UNC13C: variants seen among roughly 807,000 people sequenced by gnomAD.
UNC13C encodes protein unc-13 homolog C.
In UNC13C, 174 loss-of-function variants were observed where a neutral mutation model predicts 245.4. The ratio of observed to expected loss-of-function variants is 0.71; its 90% CI spans 0.63 to 0.80. UNC13C has a LOEUF of 0.80. Ranked by LOEUF, UNC13C falls within the 30% of genes least tolerant of loss-of-function variation. UNC13C has a pLI of 0.00. For synonymous variants in UNC13C, 992 were observed against 895.1 expected (o/e 1.11, Z -1.93); for missense variants, 2,829 against 2,602.9 (o/e 1.09, Z -1.89).
At chr15:54,541,982 A>C (rs1403517469) in intron 26 of UNC13C, among the ~76,000 whole-genome samples, 1 of 151,970 alleles carries the variant, frequency 6.6e-6, no homozygotes, top group Non-Finnish European at 1.5e-5. Flanking sequence ...TGAGGGTGAA[A>C]ATCGTGTGCT....
At chr15:53,962,247 C>A in the UNC13C span, among the ~76,000 whole-genome samples, 8 of 152,136 alleles carry the variant, frequency 5.3e-5, no homozygotes, top group East Asian at 1.5e-3. Context: ...TATCATTTTT[C>A]ATGCTAATAA....
At chr15:54,336,659 T>G (rs1180836594) in intron 16 of UNC13C, among the ~76,000 whole-genome samples, 2 of 152,124 alleles carry the variant, frequency 1.3e-5, no homozygotes, top group African/African-American at 4.8e-5. Context: ...ATATAAGGTG[T>G]AAAGTGTGAA....
the UNC13C span, among the ~76,000 whole-genome samples, chr15:53,892,047 G>T: frequency 2.5e-3 from 374 of 151,380 alleles, 8 homozygotes; most frequent in Admixed American, 0.022. Context: ...CTCTTGTAAG[G>T]CAAGAGCCTT....
intron 19 of UNC13C, among the ~76,000 whole-genome samples, chr15:54,432,111 A>T (rs964888604): frequency 1.3e-5 from 2 of 151,638 alleles, no homozygotes; most frequent in Non-Finnish European, 1.5e-5. Flanking sequence ...ACCATTTAAT[A>T]AGCTAATATT....
At chr15:54,573,901 G>T (rs571518997) in intron 30 of UNC13C, among the ~76,000 whole-genome samples, 2 of 152,280 alleles carry the variant, frequency 1.3e-5, no homozygotes, top group South Asian at 4.2e-4. Context: ...AGTGAGAAGT[G>T]AAATTTTGGT....
At chr15:54,037,572 A>AT (rs1228194684) in intron 2 of UNC13C, among the ~76,000 whole-genome samples, 1 of 139,848 alleles carries the variant, frequency 7.2e-6, no homozygotes, top group African/African-American at 3.2e-5. Flanking sequence ...ATTTATATAT[A>AT]TTTTTTTAAA....
intron 4 of UNC13C, among the ~76,000 whole-genome samples, chr15:54,232,143 C>A (rs2035570289): frequency 6.6e-6 from 1 of 151,962 alleles, no homozygotes; most frequent in African/African-American, 2.4e-5. Flanking sequence ...GATGGATAGG[C>A]TTATCAAAGT....
At chr15:53,917,667 A>G in the UNC13C span, among the ~76,000 whole-genome samples, 6 of 151,942 alleles carry the variant, frequency 3.9e-5, no homozygotes, top group African/African-American at 1.5e-4. Context: ...CTCTTTCCCC[A>G]CTCCACTCAC....
the UNC13C span, among the ~76,000 whole-genome samples, chr15:53,902,778 G>T: frequency 6.6e-6 from 1 of 152,158 alleles, no homozygotes; most frequent in Admixed American, 6.5e-5. Flanking sequence ...GGCTCAAAAT[G>T]CTTGGTGAGT....
upstream of UNC13C, among the ~76,000 whole-genome samples, chr15:53,977,339 A>G (rs376148193): frequency 3.8e-4 from 58 of 152,330 alleles, no homozygotes; most frequent in East Asian, 0.011. Flanking sequence ...GTTTTGCCAC[A>G]AAATGCTATA....
chr15:54,012,226 AT>A (rs1390928141), intron 1 of UNC13C, among the ~76,000 whole-genome samples: 1 of 152,176 alleles, frequency 6.6e-6, no homozygotes, highest in Non-Finnish European at 1.5e-5. Flanking sequence ...TAATTTGTGA[AT>A]TTTGAATATC....
the UNC13C span, among the ~76,000 whole-genome samples, chr15:53,871,291 CT>C: frequency 6.6e-6 from 1 of 152,100 alleles, no homozygotes; most frequent in Admixed American, 6.6e-5. Context: ...TTTAGCCATG[CT>C]TATGTTCATT....
Position 54,297,908 on chromosome 15 carries a change from A to G in UNC13C, c.4086A>G (p.Gln1362=), listed in dbSNP as rs2037478671. Residue 1362 remains glutamine, a synonymous_variant, in exon 12 of 33, where the codon CAA becomes CAG. Coordinates refer to ENST00000260323, the MANE Select transcript of UNC13C (RefSeq NM_001080534.3). ...AGAAGGTTGCTCCATATCATATTCA[A>G]TATACATGTTTACATGAGGTAAATA... ...GEEKVAPYHI[Q]YTCLHENLFH... 6.3e-7 allele frequency: 1 copy of G among 1,592,816 alleles called. No homozygotes were observed. The highest frequency in any genetic ancestry group is 1.7e-5 in the Admixed American group (1 of 57,626).
At chr15:54,380,591 G>A (rs761846584) in intron 17 of UNC13C, among the ~76,000 whole-genome samples, 8 of 152,076 alleles carry the variant, frequency 5.3e-5, no homozygotes, top group Non-Finnish European at 7.4e-5. Flanking sequence ...AAAAGTGTGC[G>A]AGAGTTCTCT....
intron 4 of UNC13C, among the ~76,000 whole-genome samples, chr15:54,177,298 T>G (rs1464099170): frequency 6.6e-6 from 1 of 152,158 alleles, no homozygotes; most frequent in Non-Finnish European, 1.5e-5. Flanking sequence ...TAGACTGAGA[T>G]AATGACTGCA....
chr15:54,589,955 T>G (rs530738604), intron 30 of UNC13C, among the ~76,000 whole-genome samples: 1 of 152,338 alleles, frequency 6.6e-6, no homozygotes, highest in South Asian at 2.1e-4. Context: ...CATCTTGAGT[T>G]GATTTTTGTA....
intron 4 of UNC13C, among the ~76,000 whole-genome samples, chr15:54,215,194 T>A (rs2035003856): frequency 6.6e-6 from 1 of 151,838 alleles, no homozygotes. Context: ...TAAAAGTTAA[T>A]CCCTGACACT....
At chr15:53,999,276 T>C (rs947866235) in intron 1 of UNC13C, among the ~76,000 whole-genome samples, 3 of 150,348 alleles carry the variant, frequency 2.0e-5, no homozygotes, top group African/African-American at 7.5e-5. Context: ...GATATCTATA[T>C]ATATAAATCT....
chr15:54,514,021 T>C (rs1745576993), intron 24 of UNC13C, among the ~76,000 whole-genome samples: 1 of 152,152 alleles, frequency 6.6e-6, no homozygotes, highest in Admixed American at 6.6e-5. Context: ...TCATGTGTCC[T>C]CCCAGAAAAT....
Sources: gnomAD v4.1 joint callset for allele counts (sites outside exome capture counted in the v4.1 genomes callset) on GRCh38, gnomAD v4.1.1 for gene constraint, MANE v1.5 for transcripts, NCBI Gene and HGNC (gene_info 2026-07-23, HGNC 2026-07-21) for gene names.